Variants in PDE8B observed in about 807,000 individuals in gnomAD.
PDE8B encodes phosphodiesterase 8B, also known as high affinity cAMP-specific and IBMX-insensitive 3',5'-cyclic phosphodiesterase 8B.
Under a neutral mutation model 101.3 loss-of-function variants are expected in PDE8B, and 26 were observed. The observed-to-expected ratio is 0.26, with a 90% CI of 0.19 to 0.36. The LOEUF is 0.36. PDE8B is among the 10% of genes least tolerant of loss of function. The probability of loss-of-function intolerance (pLI) is 1.00; values close to 1 mark genes in which losing one functional copy is unlikely to be tolerated. For synonymous variants in PDE8B, 424 were observed against 429.3 expected (o/e 0.99, Z 0.15); for missense variants, 810 against 1,163.1 (o/e 0.70, Z 4.42).
chr5:77,389,699 T>C (rs929010996), intron 10 of PDE8B, among the ~76,000 whole-genome samples: 2 of 152,146 alleles, frequency 1.3e-5, no homozygotes, highest in Non-Finnish European at 2.9e-5. Flanking sequence ...TACTTAACCA[T>C]AGATTAGAGT....
At chr5:77,341,654 A>G (rs893151041) in intron 6 of PDE8B, among the ~76,000 whole-genome samples, 1 of 152,226 alleles carries the variant, frequency 6.6e-6, no homozygotes, top group African/African-American at 2.4e-5. Context: ...TCTGAAAGAC[A>G]GCTGCTGCCC....
At chr5:77,221,058 TAGCTC>T (rs1294962362) in intron 1 of PDE8B, among the ~76,000 whole-genome samples, 2 of 152,246 alleles carry the variant, frequency 1.3e-5, no homozygotes, top group East Asian at 3.8e-4. Context: ...CATCTACAGA[TAGCTC>T]AGTTGGTATC....
chr5:77,335,137 A>G (rs766697478), intron 5 of PDE8B, among the ~76,000 whole-genome samples: 1 of 152,252 alleles, frequency 6.6e-6, no homozygotes, highest in Non-Finnish European at 1.5e-5. Context: ...ATTTATTTGT[A>G]GGCAGAAATA....
intron 1 of PDE8B, among the ~76,000 whole-genome samples, chr5:77,237,542 T>C (rs1463256043): frequency 6.6e-6 from 1 of 152,184 alleles, no homozygotes; most frequent in East Asian, 1.9e-4. Context: ...ATCTTCTTCA[T>C]AGTTATTTTA....
At chr5:77,303,005 G>A (rs1380309715) in intron 1 of PDE8B, among the ~76,000 whole-genome samples, 1 of 152,104 alleles carries the variant, frequency 6.6e-6, no homozygotes, top group African/African-American at 2.4e-5. Context: ...TCTATATTCT[G>A]AGGAATTTTA....
rs534273707 is a variant in PDE8B, at chr5:77,302,074, A to G, written c.340-9920A>G. ...TTTTCTCATGACTGTAGATGACATGACTATGTTGTATAAATAATTTCTCTT... is the reference window on the plus strand; with the variant it reads ...TTTTCTCATGACTGTAGATGACATGGCTATGTTGTATAAATAATTTCTCTT... On this transcript the variant is annotated intron_variant, in intron 1 of 21. Transcript: ENST00000264917. Among the ~76,000 whole-genome samples, 316 of 152,188 alleles carry G rather than the reference A, an allele frequency of 2.1e-3. 3 individuals carry two copies. The highest frequency in any genetic ancestry group is 7.3e-3 in the African/African-American group (304 of 41,514).
chr5:77,128,791 A>T, the PDE8B span, among the ~76,000 whole-genome samples: 1 of 152,214 alleles, frequency 6.6e-6, no homozygotes, highest in South Asian at 2.1e-4. Context: ...TCACAGATGC[A>T]TCGGACCAGA....
rs1798306000 is a variant in PDE8B at position 77,427,231 on chromosome 5, A to G, written c.*677A>G. ...CAGCCTGTGTAACCCCTTTCCTGTA[A>G]AAGGGGTTCATCTTAACAAAGTCAT... is the stretch of plus-strand genomic sequence containing the variant. On this transcript the variant is annotated 3_prime_UTR_variant, in exon 22 of 22. Coordinates refer to ENST00000264917, the MANE Select transcript of PDE8B (RefSeq NM_003719.5). The G allele has an allele frequency of 6.6e-6, 1 of 152,422 alleles. No individual in the cohort carries two copies. The highest frequency in any genetic ancestry group is 6.6e-5 in the Admixed American group (1 of 15,252). The allele number at this position is 152,422 out of a possible 1,614,324, so 9.4% of individuals were successfully genotyped here.
chr5:77,349,469 C>T lies in PDE8B; in HGVS notation c.927C>T (p.Leu309=). The change falls in exon 8 of 22, where the codon CTC becomes CTT. Residue 309 remains leucine, a synonymous_variant. Coordinates refer to ENST00000264917, the MANE Select transcript of PDE8B (RefSeq NM_003719.5). ...TGATGGGCTACCACAAAGGTGAGCT[C>T]CTGGGAAAAGAACTCGCTGATCTGC... The part of the protein sequence containing the change: ...ERMMGYHKGE[L]LGKELADLPK... 6.2e-7 allele frequency: 1 copy of T among 1,614,102 alleles called. No homozygotes were observed. Among genetic ancestry groups the T allele is most frequent in the Non-Finnish European group, 8.5e-7 (1 of 1,180,014 alleles).
At chr5:77,120,480 A>AG in the PDE8B span, among the ~76,000 whole-genome samples, 1 of 152,382 alleles carries the variant, frequency 6.6e-6, no homozygotes, top group East Asian at 1.9e-4. Flanking sequence ...TGAAGTGTTA[A>AG]GGGTGAATTA....
the PDE8B span, among the ~76,000 whole-genome samples, chr5:77,188,939 C>T: frequency 2.0e-5 from 3 of 152,292 alleles, no homozygotes; most frequent in East Asian, 3.9e-4. Flanking sequence ...GGGACCACCA[C>T]ATTATCTGCT....
At chr5:77,411,258 T>C (rs1317460769) in intron 14 of PDE8B, 1 of 175,010 alleles carries the variant, frequency 5.7e-6, no homozygotes, top group African/African-American at 2.4e-5. Flanking sequence ...ATATGGCTGA[T>C]GGCTTCAACT....
intron 1 of PDE8B, among the ~76,000 whole-genome samples, chr5:77,292,498 G>A (rs1225601079): frequency 6.6e-6 from 1 of 152,164 alleles, no homozygotes; most frequent in East Asian, 1.9e-4. Flanking sequence ...CTCTAGCAGG[G>A]TATGAAACTA....
intron 10 of PDE8B, among the ~76,000 whole-genome samples, chr5:77,387,468 C>T (rs1269306099): frequency 6.6e-6 from 1 of 152,294 alleles, no homozygotes; most frequent in African/African-American, 2.4e-5. Context: ...TTGTGGGTAA[C>T]CCGACCTTTC....
At chr5:77,421,117 G>A (rs1796547821) in intron 19 of PDE8B, among the ~76,000 whole-genome samples, 1 of 152,210 alleles carries the variant, frequency 6.6e-6, no homozygotes, top group South Asian at 2.1e-4. Flanking sequence ...TCAGGACACT[G>A]ACATCACCAC....
At chr5:77,206,808 GGGT>G (rs1242295701), upstream of PDE8B, among the ~76,000 whole-genome samples, 5 of 152,286 alleles carry the variant, frequency 3.3e-5, no homozygotes, top group Admixed American at 2.6e-4. Flanking sequence ...TTGTATTTCA[GGGT>G]GGTTCTGTTG....
At chr5:77,360,090 C>CA (rs200573688) in intron 10 of PDE8B, among the ~76,000 whole-genome samples, 5,083 of 81,842 alleles carry the variant, frequency 0.062, 231 homozygotes, top group African/African-American at 0.17. Context: ...GACTTCATCG[C>CA]AAAAAAAAAA....
At chr5:77,133,823 A>T in the PDE8B span, among the ~76,000 whole-genome samples, 3 of 152,250 alleles carry the variant, frequency 2.0e-5, no homozygotes, top group Non-Finnish European at 1.5e-5. Context: ...TGTAGGTGGA[A>T]TGCAGGGAGC....
the PDE8B span, among the ~76,000 whole-genome samples, chr5:77,162,388 C>G: frequency 2.0e-5 from 3 of 152,108 alleles, no homozygotes; most frequent in African/African-American, 7.2e-5. Flanking sequence ...ATCGAAACCT[C>G]TACAGGCTGT....
Sources: allele counts gnomAD v4.1 joint callset (sites outside exome capture counted in the v4.1 genomes callset), GRCh38; gene constraint gnomAD v4.1.1; transcripts MANE v1.5; gene names NCBI Gene and HGNC (gene_info 2026-07-23, HGNC 2026-07-21).